Variants in ARHGEF11 observed in about 807,000 individuals in gnomAD.
The protein encoded by ARHGEF11 is Rho guanine nucleotide exchange factor 11.
ARHGEF11 carries 55 observed loss-of-function variants against 193.7 expected under a neutral mutation model. The ratio of observed to expected loss-of-function variants is 0.28; its 90% CI spans 0.23 to 0.36. ARHGEF11 has a LOEUF of 0.36. Among genes scored for constraint, ARHGEF11 ranks in the 10% least tolerant of loss-of-function variants. The probability of loss-of-function intolerance (pLI) is 1.00; values close to 1 mark genes in which losing one functional copy is unlikely to be tolerated. For missense variants in ARHGEF11, 1,723 were observed against 2,005.6 expected (o/e 0.86, Z 2.69); for synonymous variants, 693 against 768.0 (o/e 0.90, Z 1.62).
In ARHGEF11 at chr1:157,035,977, G is replaced by A. The variant is rs531608350; in HGVS notation, c.32+8322C>T. On this transcript the variant is annotated intron_variant, in intron 1 of 40. Transcript: ENST00000368194. ...TATATATATATGAATCTATATATAGGAATATATATATATGAATCTATATAT... is the reference window on the plus strand; with the variant it reads ...TATATATATATGAATCTATATATAGAAATATATATATATGAATCTATATAT... 9.0e-5 allele frequency among the ~76,000 whole-genome samples: 9 copies of A among 100,004 alleles called. No individual in the cohort carries two copies. In the South Asian group the frequency reaches 2.2e-3, roughly 24 times the overall value. The allele number at this position is 100,004 out of a possible 152,430, so 65.6% of individuals were successfully genotyped here. A position where few individuals can be genotyped will look rare whatever the true frequency, so the allele number is the denominator to read the frequency against.
chr1:157,024,069 G>A (rs373247537), intron 1 of ARHGEF11, among the ~76,000 whole-genome samples: 11 of 148,588 alleles, frequency 7.4e-5, no homozygotes, highest in South Asian at 2.2e-4. Context: ...AATAGAAGGC[G>A]GTATATCCAC....
chr1:157,046,843 C>CCG (rs1673358769), upstream of ARHGEF11, among the ~76,000 whole-genome samples: 1 of 151,676 alleles, frequency 6.6e-6, no homozygotes, highest in Non-Finnish European at 1.5e-5. Context: ...AACCCCCCCC[C>CCG]TCTACTAAAA....
intron 1 of ARHGEF11, among the ~76,000 whole-genome samples, chr1:156,993,768 T>C (rs1436170157): frequency 6.6e-6 from 1 of 152,220 alleles, no homozygotes; most frequent in Non-Finnish European, 1.5e-5. Flanking sequence ...GTCCTAGACC[T>C]GCACATCCCT....
intron 1 of ARHGEF11, among the ~76,000 whole-genome samples, chr1:157,019,816 CTG>C (rs1366861382): frequency 6.6e-6 from 1 of 152,078 alleles, no homozygotes; most frequent in Non-Finnish European, 1.5e-5. Context: ...AACTGATCTA[CTG>C]TGAGAGAAAG....
intron 1 of ARHGEF11, among the ~76,000 whole-genome samples, chr1:157,008,908 C>T (rs945360742): frequency 3.3e-5 from 5 of 152,184 alleles, no homozygotes; most frequent in African/African-American, 1.2e-4. Flanking sequence ...CTACTTCATT[C>T]CTTCACAAGG....
chr1:157,042,782 A>T (rs1440949211), intron 1 of ARHGEF11, among the ~76,000 whole-genome samples: 1 of 152,116 alleles, frequency 6.6e-6, no homozygotes, highest in Non-Finnish European at 1.5e-5. Context: ...CATCTTCTCA[A>T]ATCCTTGCAT....
intron 15 of ARHGEF11, among the ~76,000 whole-genome samples, chr1:156,959,435 C>T (rs1660459605): frequency 6.6e-6 from 1 of 152,164 alleles, no homozygotes; most frequent in Admixed American, 6.5e-5. Context: ...GTCTAAGTAC[C>T]ATTCTCTGAC....
chr1:157,044,233 G>A, intron 1 of ARHGEF11, 66 bp downstream of exon 1: 1 of 1,477,060 alleles, frequency 6.8e-7, no homozygotes, highest in Non-Finnish European at 9.5e-7. Context: ...TTATTAAAAT[G>A]CAACACCACC....
intron 1 of ARHGEF11, among the ~76,000 whole-genome samples, chr1:157,026,855 A>G (rs114310659): frequency 0.013 from 1,967 of 152,316 alleles, 39 homozygotes; most frequent in African/African-American, 0.045. Context: ...GTGTCTATCA[A>G]TCTTTATGCC....
intron 15 of ARHGEF11, among the ~76,000 whole-genome samples, chr1:156,959,682 CT>C (rs1557861496): frequency 6.6e-6 from 1 of 152,220 alleles, no homozygotes; most frequent in Non-Finnish European, 1.5e-5. Flanking sequence ...TATGCCTGGG[CT>C]TTCCTCCCCG....
chr1:156,970,187 T>C (rs1662313997), intron 8 of ARHGEF11, 144 bp from the exon 9 acceptor site: 1 of 659,676 alleles, frequency 1.5e-6, no homozygotes, highest in Non-Finnish European at 2.7e-6. Flanking sequence ...AGAAGAGATA[T>C]TGCTTCATTT....
chr1:156,969,916 A>C, intron 9 of ARHGEF11, 82 bp downstream of exon 9: 1 of 1,373,640 alleles, frequency 7.3e-7, no homozygotes, highest in Non-Finnish European at 1.0e-6. Flanking sequence ...CTTTCCTGGA[A>C]TCTGCCCCAT....
At position 156,963,279 on chromosome 1, in the gene ARHGEF11, T is replaced by G. The variant is rs1249257576; in HGVS notation, c.1064A>C (p.Glu355Ala). The change falls in exon 13 of 41, where the codon GAG becomes GCG. Residue 355 changes from glutamate to alanine, a missense_variant. Physicochemically the swap from Glu to Ala is moderately radical, Grantham distance 107. This residue lies in a region of ARHGEF11 where 646 missense variants were observed against 710.7 expected (regional missense o/e 0.91). Transcript: ENST00000368194. Reference protein sequence around the residue: ...NESDIIFQDLEKLKSRPAHLG... With the variant: ...NESDIIFQDLAKLKSRPAHLG... The stretch of plus-strand genomic sequence containing the variant: ...GTGAGCTGGCCGAGACTTCAGTTTC[T>G]CCAGATCCTGGAATATGATGTCGCT... The G allele has an allele frequency of 1.9e-6, 3 of 1,614,002 alleles. No homozygotes were observed. The highest frequency in any genetic ancestry group is 2.5e-6 in the Non-Finnish European group (3 of 1,180,024).
chr1:156,960,518 G>A (rs562876744), intron 14 of ARHGEF11, 58 bp from the exon 15 acceptor site: 3 of 1,570,064 alleles, frequency 1.9e-6, no homozygotes, highest in Admixed American at 3.4e-5. Context: ...AGGGAGATGA[G>A]CAGTGTGCAA....
rs1659125212 is a variant in ARHGEF11 at position 156,951,647 on chromosome 1, C to T, written c.1851G>A (p.Gln617=). The stretch of plus-strand genomic sequence containing the variant: ...GTGTCCCAGGTTCTGGGGCATCATA[C>T]TGCTGGTTGTTCTCAAAGTGCTGAA... ...NIIQHFENNQ[Q]YDAPEPGTQR... The change falls in exon 22 of 41, where the codon CAG becomes CAA. Residue 617 remains glutamine, a synonymous_variant. Coordinates refer to ENST00000368194, the MANE Select transcript of ARHGEF11 (RefSeq NM_198236.3). 1 of 1,614,202 alleles carries T rather than the reference C, an allele frequency of 6.2e-7. No homozygotes were observed. The highest frequency in any genetic ancestry group is 8.5e-7 in the Non-Finnish European group (1 of 1,180,032).
chr1:156,940,766 G>A (rs1330525585), intron 35 of ARHGEF11, among the ~76,000 whole-genome samples: 1 of 152,170 alleles, frequency 6.6e-6, no homozygotes, highest in Non-Finnish European at 1.5e-5. Flanking sequence ...GCTGGCTACA[G>A]TATTAAACAG....
At chr1:156,957,719 A>G (rs1660169043) in intron 18 of ARHGEF11, 73 bp downstream of exon 18, 2 of 1,506,118 alleles carry the variant, frequency 1.3e-6, no homozygotes, top group African/African-American at 1.4e-5. Flanking sequence ...ATTGTCAGAA[A>G]TGGAAAGCAT....
rs970001928 is a variant in ARHGEF11, at chr1:156,942,884, C to T, written c.3236-104G>A. ...TGGGACTCAAAGCCCTGACCCTCAA[C>T]GCAGATGGAGAGTGCAGCACGAGAC... is the stretch of plus-strand genomic sequence containing the variant. On this transcript the variant is annotated intron_variant, in intron 32 of 40. Coordinates refer to ENST00000368194, the MANE Select transcript of ARHGEF11 (RefSeq NM_198236.3). The T allele has an allele frequency of 2.5e-5, 23 of 909,598 alleles. 1 individual carries two copies. In the Middle Eastern group the frequency reaches 8.2e-4, roughly 32 times the overall value. The allele number at this position is 909,598 out of a possible 1,614,324, so 56.3% of individuals were successfully genotyped here.
chr1:156,954,467 C>G (rs535867540), intron 21 of ARHGEF11, among the ~76,000 whole-genome samples: 2 of 150,518 alleles, frequency 1.3e-5, no homozygotes, highest in African/African-American at 4.9e-5. Context: ...TGTGAGGGTT[C>G]CCCTCACTTA....
Sources: allele counts gnomAD v4.1 joint callset (sites outside exome capture counted in the v4.1 genomes callset), GRCh38; gene constraint gnomAD v4.1.1; regional missense constraint gnomAD v4.1.1; transcripts MANE v1.5; gene names NCBI Gene and HGNC (gene_info 2026-07-23, HGNC 2026-07-21).